The following LARGE1 variants were observed in gnomAD, a reference collection of about 807,000 sequenced individuals.
LARGE1 encodes the protein xylosyl- and glucuronyltransferase LARGE1.
In LARGE1, 43 loss-of-function variants were observed where a neutral mutation model predicts 87.6. That is an observed-to-expected ratio of 0.49 (90% confidence interval 0.38 to 0.63). LARGE1 has a LOEUF of 0.63. Ranked by LOEUF, LARGE1 falls within the 30% of genes least tolerant of loss-of-function variation. The probability of loss-of-function intolerance (pLI) is 0.00; values close to 1 mark genes in which losing one functional copy is unlikely to be tolerated. For synonymous variants in LARGE1, 434 were observed against 394.6 expected, an observed-to-expected ratio of 1.10 and a Z score of -1.18; for missense variants, 802 against 1,000.2, an observed-to-expected ratio of 0.80 and a Z score of 2.67.
chr22:33,302,991 A>T (rs1002421817), intron 12 of LARGE1, among the ~76,000 whole-genome samples: 1 of 152,220 alleles, frequency 6.6e-6, no homozygotes, highest in Non-Finnish European at 1.5e-5. Flanking sequence ...AGGTATTGGC[A>T]TAATTCATGC....
chr22:33,327,377 C>A (rs996694105), intron 10 of LARGE1, among the ~76,000 whole-genome samples: 12 of 152,080 alleles, frequency 7.9e-5, no homozygotes, highest in Admixed American at 5.2e-4. Flanking sequence ...GTTGAGAGAG[C>A]GGGTATCCAA....
chr22:33,726,897 C>A (rs2083287239), intron 2 of LARGE1, among the ~76,000 whole-genome samples: 1 of 152,106 alleles, frequency 6.6e-6, no homozygotes, highest in Non-Finnish European at 1.5e-5. Context: ...TCAATAAATC[C>A]TGATGATCAT....
intron 5 of LARGE1, among the ~76,000 whole-genome samples, chr22:33,572,711 A>T (rs1467770411): frequency 6.6e-6 from 1 of 151,890 alleles, no homozygotes; most frequent in African/African-American, 2.4e-5. Context: ...CTCTACTAAA[A>T]ATGCAAAAAT....
At chr22:33,778,370 C>A (rs1465676974) in intron 1 of LARGE1, among the ~76,000 whole-genome samples, 1 of 152,196 alleles carries the variant, frequency 6.6e-6, no homozygotes, top group Non-Finnish European at 1.5e-5. Flanking sequence ...ACCACTTTAA[C>A]AAGTACAATT....
At chr22:33,377,453 A>C (rs1443296673) in intron 9 of LARGE1, among the ~76,000 whole-genome samples, 2 of 152,188 alleles carry the variant, frequency 1.3e-5, no homozygotes, top group Non-Finnish European at 2.9e-5. Context: ...GGGTATGCAC[A>C]TAGTTTGCTA....
At chr22:33,460,554 C>T (rs980016057) in intron 6 of LARGE1, among the ~76,000 whole-genome samples, 8 of 152,068 alleles carry the variant, frequency 5.3e-5, no homozygotes, top group Non-Finnish European at 1.0e-4. Context: ...GATGAGTAGG[C>T]AAGAACATAA....
At chr22:33,280,221 G>A (rs1277826896) in intron 13 of LARGE1, among the ~76,000 whole-genome samples, 1 of 149,212 alleles carries the variant, frequency 6.7e-6, no homozygotes, top group Non-Finnish European at 1.5e-5. Flanking sequence ...TTGGCAAAAC[G>A]GACACAGCAA....
intron 6 of LARGE1, among the ~76,000 whole-genome samples, chr22:33,507,845 G>C (rs566455790): frequency 1.3e-5 from 2 of 152,296 alleles, no homozygotes; most frequent in South Asian, 4.1e-4. Flanking sequence ...TGTGGTACCA[G>C]AATTACATAC....
At chr22:33,512,941 C>T (rs2071123347) in intron 6 of LARGE1, among the ~76,000 whole-genome samples, 1 of 152,176 alleles carries the variant, frequency 6.6e-6, no homozygotes, top group Admixed American at 6.5e-5. Flanking sequence ...AACACATTCA[C>T]TGTTTTTTTT....
At chr22:33,527,026 G>A (rs553748008) in intron 6 of LARGE1, among the ~76,000 whole-genome samples, 1 of 152,328 alleles carries the variant, frequency 6.6e-6, no homozygotes, top group East Asian at 1.9e-4. Flanking sequence ...AGAGGCCGAG[G>A]CGGGTGGATC....
intron 10 of LARGE1, among the ~76,000 whole-genome samples, chr22:33,316,567 C>T (rs1398961090): frequency 1.3e-5 from 2 of 151,996 alleles, no homozygotes; most frequent in Admixed American, 6.6e-5. Context: ...CAGGCAAAAC[C>T]CTGTCTCTAC....
At chr22:33,861,634 T>C (rs1174145441) in intron 1 of LARGE1, 7 of 152,136 alleles carry the variant, frequency 4.6e-5, no homozygotes, top group African/African-American at 1.4e-4. Flanking sequence ...TGGAGAACTC[T>C]CCTACGCAGC....
At chr22:33,691,994 A>C (rs1021442713) in intron 2 of LARGE1, among the ~76,000 whole-genome samples, 2 of 152,208 alleles carry the variant, frequency 1.3e-5, no homozygotes, top group African/African-American at 4.8e-5. Flanking sequence ...TGAAAATAAA[A>C]TGTTTTGTGC....
At chr22:33,484,552 C>G (rs957368054) in intron 6 of LARGE1, among the ~76,000 whole-genome samples, 2 of 152,240 alleles carry the variant, frequency 1.3e-5, no homozygotes, top group African/African-American at 4.8e-5. Context: ...GTGACTCTTT[C>G]TGGAGATCAG....
chr22:33,244,246 C>T (rs553403300), intron 11 of LARGE1, among the ~76,000 whole-genome samples: 15 of 152,104 alleles, frequency 9.9e-5, no homozygotes, highest in African/African-American at 1.9e-4. Flanking sequence ...CCGCCCACTT[C>T]GGCCTCCCAA....
chr22:33,684,567 G>C (rs2081887523), intron 2 of LARGE1, among the ~76,000 whole-genome samples: 1 of 152,178 alleles, frequency 6.6e-6, no homozygotes, highest in Non-Finnish European at 1.5e-5. Flanking sequence ...ACAGTTATTG[G>C]TTGCCTGTAA....
intron 5 of LARGE1, among the ~76,000 whole-genome samples, chr22:33,571,415 G>A (rs2078200883): frequency 6.6e-6 from 1 of 152,184 alleles, no homozygotes; most frequent in Non-Finnish European, 1.5e-5. Flanking sequence ...TGGAGGCAGA[G>A]AGCTGGACAG....
chr22:33,683,470 C>A (rs964982844), intron 2 of LARGE1, among the ~76,000 whole-genome samples: 1 of 152,154 alleles, frequency 6.6e-6, no homozygotes, highest in African/African-American at 2.4e-5. Context: ...TCTCAGCCTC[C>A]ATAATTGAAT....
At chr22:33,333,627 C>T (rs966531602) in intron 10 of LARGE1, among the ~76,000 whole-genome samples, 3 of 152,182 alleles carry the variant, frequency 2.0e-5, no homozygotes, top group Admixed American at 6.5e-5. Flanking sequence ...CTTAAATTTA[C>T]TTAGTACATT....
Sources: gnomAD v4.1 joint callset for allele counts (sites outside exome capture counted in the v4.1 genomes callset) on GRCh38, gnomAD v4.1.1 for gene constraint, MANE v1.5 for transcripts, NCBI Gene and HGNC (gene_info 2026-07-23, HGNC 2026-07-21) for gene names.